CEMIP: variants seen among roughly 807,000 people sequenced by gnomAD.
The protein encoded by CEMIP is cell migration-inducing and hyaluronan-binding protein.
A neutral mutation model predicts 156.9 loss-of-function variants in CEMIP; 105 were observed. That is an observed-to-expected ratio of 0.67 (90% CI 0.57 to 0.79). CEMIP has a LOEUF of 0.79. CEMIP is among the 30% of genes least tolerant of loss of function. The pLI is 0.00. For synonymous variants in CEMIP, 676 were observed against 668.4 expected (o/e 1.01, Z -0.17); for missense variants, 1,457 against 1,769.4 (o/e 0.82, Z 3.17).
chr15:80,827,004 G>C (rs1897052115), intron 1 of CEMIP, among the ~76,000 whole-genome samples: 1 of 152,192 alleles, frequency 6.6e-6, no homozygotes, highest in Non-Finnish European at 1.5e-5. Flanking sequence ...CCTACAATAA[G>C]AAGCAGGACT....
intron 1 of CEMIP, among the ~76,000 whole-genome samples, chr15:80,814,994 C>T (rs142390779): frequency 2.6e-5 from 4 of 152,332 alleles, no homozygotes; most frequent in South Asian, 2.1e-4. Context: ...CCAACGGTTG[C>T]ACTTTCAATA....
At chr15:80,840,880 G>A (rs562306104) in intron 1 of CEMIP, among the ~76,000 whole-genome samples, 1 of 152,326 alleles carries the variant, frequency 6.6e-6, no homozygotes, top group East Asian at 1.9e-4. Flanking sequence ...AGGCTTGGAG[G>A]CTGTCGGGCT....
intron 1 of CEMIP, among the ~76,000 whole-genome samples, chr15:80,783,515 T>C (rs892907289): frequency 6.6e-6 from 1 of 152,168 alleles, no homozygotes; most frequent in African/African-American, 2.4e-5. Context: ...TCTGGTTGGG[T>C]TGGCAGGAGG....
chr15:80,879,608 G>T (rs1002493375), intron 4 of CEMIP, 108 bp from the exon 5 acceptor site: 8 of 1,302,986 alleles, frequency 6.1e-6, no homozygotes, highest in South Asian at 1.2e-5. Flanking sequence ...GTGCCTTTTT[G>T]CCTGCCCCGG....
At chr15:80,814,345 G>A (rs376918066) in intron 1 of CEMIP, among the ~76,000 whole-genome samples, 4 of 152,026 alleles carry the variant, frequency 2.6e-5, no homozygotes, top group Non-Finnish European at 4.4e-5. Context: ...CACTGAGCCC[G>A]GCCTAAACTC....
intron 13 of CEMIP, among the ~76,000 whole-genome samples, chr15:80,908,207 G>A (rs1899888039): frequency 6.6e-6 from 1 of 152,170 alleles, no homozygotes; most frequent in Non-Finnish European, 1.5e-5. Flanking sequence ...GCAGGTCTAT[G>A]TCACACAAGC....
intron 1 of CEMIP, among the ~76,000 whole-genome samples, chr15:80,838,712 C>A (rs1165597393): frequency 1.3e-5 from 2 of 152,152 alleles, no homozygotes; most frequent in East Asian, 3.9e-4. Context: ...TCAGTGGCAA[C>A]CACTATTGAC....
At chr15:80,881,201 C>A (rs896088681) in intron 6 of CEMIP, 65 bp downstream of exon 6, 35 of 1,406,902 alleles carry the variant, frequency 2.5e-5, no homozygotes, top group Non-Finnish European at 3.5e-5. Context: ...AGTGTGCTCC[C>A]TGGCCAGGTG....
At chr15:80,898,873 C>T (rs1311671623) in intron 12 of CEMIP, among the ~76,000 whole-genome samples, 1 of 152,206 alleles carries the variant, frequency 6.6e-6, no homozygotes, top group Non-Finnish European at 1.5e-5. Flanking sequence ...CTTTCCTCCA[C>T]AGGGAGGTGG....
At chr15:80,917,793 C>T (rs559342445) in intron 14 of CEMIP, among the ~76,000 whole-genome samples, 1 of 152,312 alleles carries the variant, frequency 6.6e-6, no homozygotes, top group Non-Finnish European at 1.5e-5. Flanking sequence ...TTTGGCAAAT[C>T]ACTTGCTTTC....
At chr15:80,930,950 C>T (rs952088834) in intron 21 of CEMIP, among the ~76,000 whole-genome samples, 1 of 152,176 alleles carries the variant, frequency 6.6e-6, no homozygotes, top group South Asian at 2.1e-4. Context: ...TGGGGCCAGG[C>T]CCAAGAAGGA....
chr15:80,889,559 AG>A lies in CEMIP; in HGVS notation c.1055del (p.Gly352GlufsTer56). The A allele has an allele frequency of 6.2e-7, 1 of 1,614,230 alleles. No individual in the cohort carries two copies. Among genetic ancestry groups the A allele is most frequent in the Non-Finnish European group, 8.5e-7 (1 of 1,180,020 alleles). ...KISDLWKAHP[G>X]KICNRPIDIQ... ...TTTCAGACCTCTGGAAAGCTCACCC[AG>A]GAAAAATATGCAATCGTCCCATTGA... On this transcript the variant is annotated frameshift_variant, in exon 10 of 30. Transcript: ENST00000394685. LOFTEE classifies it high-confidence loss of function.
intron 1 of CEMIP, among the ~76,000 whole-genome samples, chr15:80,833,589 G>T (rs1025054771): frequency 6.6e-6 from 1 of 152,024 alleles, no homozygotes; most frequent in African/African-American, 2.4e-5. Context: ...TGTGTGGGGG[G>T]CATGGGCAGA....
In CEMIP at chr15:80,856,351, G is replaced by A. The variant is rs144725516; in HGVS notation, c.-175-17187G>A. ...GAAGTGTTTAAGGGGAAATGTGGAC[G>A]GTGGTGTCTTCACTTTACTGTGAAA... On this transcript the variant is annotated intron_variant, in intron 1 of 29. Coordinates refer to ENST00000394685, the MANE Select transcript of CEMIP (RefSeq NM_001293298.2). 1.3e-3 allele frequency among the ~76,000 whole-genome samples: 202 copies of A among 152,324 alleles called. 1 individual carries two copies. The highest frequency in any genetic ancestry group is 0.01 in the Middle Eastern group (3 of 294).
At chr15:80,914,278 C>G (rs565153487) in intron 14 of CEMIP, among the ~76,000 whole-genome samples, 1 of 152,244 alleles carries the variant, frequency 6.6e-6, no homozygotes, top group African/African-American at 2.4e-5. Flanking sequence ...AATATGGGTT[C>G]TGCTTGTTTC....
At chr15:80,780,481 C>T (rs1226882012) in intron 1 of CEMIP, among the ~76,000 whole-genome samples, 1 of 152,202 alleles carries the variant, frequency 6.6e-6, no homozygotes, top group African/African-American at 2.4e-5. Flanking sequence ...TCCTCAGCCG[C>T]AGACACTCTC....
intron 15 of CEMIP, 71 bp from the exon 16 acceptor site, chr15:80,920,961 C>A: frequency 7.8e-7 from 1 of 1,281,870 alleles, no homozygotes; most frequent in Non-Finnish European, 1.1e-6. Context: ...GCCCAACCTG[C>A]ACCTGCCATG....
At chr15:80,813,837 T>G (rs1472548119) in intron 1 of CEMIP, among the ~76,000 whole-genome samples, 1 of 152,166 alleles carries the variant, frequency 6.6e-6, no homozygotes, top group African/African-American at 2.4e-5. Flanking sequence ...TTATATCAAT[T>G]ACTGCTATCT....
intron 7 of CEMIP, among the ~76,000 whole-genome samples, chr15:80,886,238 T>G (rs1474399133): frequency 1.3e-5 from 2 of 151,690 alleles, no homozygotes; most frequent in East Asian, 3.9e-4. Flanking sequence ...GGCAAAAGCA[T>G]GCCTCTCCCA....
Sources: allele counts gnomAD v4.1 joint callset (sites outside exome capture counted in the v4.1 genomes callset), GRCh38; gene constraint gnomAD v4.1.1; transcripts MANE v1.5; gene names NCBI Gene and HGNC (gene_info 2026-07-23, HGNC 2026-07-21).